Variants in PDGFRA observed in about 807,000 individuals in gnomAD.
PDGFRA encodes platelet derived growth factor receptor alpha, also known as platelet-derived growth factor receptor alpha.
A neutral mutation model predicts 121.5 loss-of-function variants in PDGFRA; 25 were observed. That is an observed-to-expected ratio of 0.21 (90% CI 0.15 to 0.29). The LOEUF (loss-of-function observed/expected upper bound fraction) is 0.29. Ranked by LOEUF, PDGFRA falls within the 10% of genes least tolerant of loss-of-function variation. The pLI, the probability that PDGFRA is intolerant of heterozygous loss-of-function variation, is 1.00. For synonymous variants in PDGFRA, 463 were observed against 494.8 expected, an observed-to-expected ratio of 0.94 and a Z score of 0.85; for missense variants, 1,008 against 1,345.1, an observed-to-expected ratio of 0.75 and a Z score of 3.92.
In PDGFRA at chr4:54,274,600, T is replaced by C. The variant is rs755486487; in HGVS notation, c.1628T>C (p.Ile543Thr). ...VLLVIVIISL[I>T]VLVVIWKQKP... is the part of the protein sequence containing the mutation. ...TTGGTGATTGTGATCATCTCACTTA[T>C]TGTCCTGGTTGTCATTTGGAAACAG... The change falls in exon 11 of 23, where the codon ATT becomes ACT. Residue 543 changes from isoleucine (I) to threonine (T), a missense_variant. Physicochemically the swap from Ile to Thr is moderately conservative, Grantham distance 89. Coordinates refer to ENST00000257290, the MANE Select transcript of PDGFRA (RefSeq NM_006206.6). The C allele has an allele frequency of 3.7e-6, 6 of 1,613,300 alleles. No homozygotes were observed. In the Admixed American group the frequency reaches 8.3e-5, roughly 22 times the overall value.
chr4:54,232,891 CG>C (rs1438874427), intron 1 of PDGFRA, among the ~76,000 whole-genome samples: 1 of 152,174 alleles, frequency 6.6e-6, no homozygotes, highest in African/African-American at 2.4e-5. Context: ...CGGCCAGGAA[CG>C]GTTCTTAAAT....
intron 7 of PDGFRA, among the ~76,000 whole-genome samples, chr4:54,268,083 G>A (rs760687190): frequency 1.3e-5 from 2 of 152,136 alleles, no homozygotes; most frequent in African/African-American, 2.4e-5. Flanking sequence ...CATCCATATC[G>A]CAAGTAGACA....
In PDGFRA at chr4:54,274,829, G is replaced by T. The variant is rs2110299012; in HGVS notation, c.1654-12G>T. ...TGGTAATTCACCAGTTACCTGTCCTGGTCATTTATAGAAACCGAGGTATGA... is the reference window on the plus strand; with the variant it reads ...TGGTAATTCACCAGTTACCTGTCCTTGTCATTTATAGAAACCGAGGTATGA... On this transcript the variant is annotated splice_polypyrimidine_tract_variant and intron_variant, in intron 11 of 22. Transcript: ENST00000257290. The T allele has an allele frequency of 6.2e-7, 1 of 1,613,944 alleles. No homozygotes were observed. Among genetic ancestry groups the T allele is most frequent in the Non-Finnish European group, 8.5e-7 (1 of 1,179,904 alleles).
At chr4:54,265,134 G>GGGCA in intron 5 of PDGFRA, 85 bp downstream of exon 5, 1 of 1,297,084 alleles carries the variant, frequency 7.7e-7, no homozygotes, top group South Asian at 1.2e-5. Context: ...TGTCACTGAT[G>GGGCA]GGCACATCAC....
In PDGFRA at chr4:54,290,391, G is replaced by A. The variant is rs1042833018; in HGVS notation, c.2959G>A (p.Ala987Thr). 6.2e-7 allele frequency: 1 copy of A among 1,613,640 alleles called. No homozygotes were observed. Among genetic ancestry groups the A allele is most frequent in the Non-Finnish European group, 8.5e-7 (1 of 1,179,490 alleles). Reference protein sequence around the residue: ...VARMRVDSDNAYIGVTYKNEE... With the variant: ...VARMRVDSDNTYIGVTYKNEE... ...ACGCATGCGTGTGGACTCAGACAATGCATACATTGGTGTCACCTACAAAAA... is the reference window on the plus strand; with the variant it reads ...ACGCATGCGTGTGGACTCAGACAATACATACATTGGTGTCACCTACAAAAA... The change falls in exon 22 of 23, where the codon GCA becomes ACA. Residue 987 changes from alanine to threonine, a missense_variant. This residue lies in a region of PDGFRA where 204 missense variants were observed against 243.0 expected (regional missense o/e 0.84). Coordinates refer to ENST00000257290, the MANE Select transcript of PDGFRA (RefSeq NM_006206.6).
At chr4:54,278,999 A>G (rs960791606) in intron 15 of PDGFRA, 3 of 379,106 alleles carry the variant, frequency 7.9e-6, no homozygotes, top group Non-Finnish European at 1.6e-5. Flanking sequence ...ATCAGAAAGT[A>G]CAATGAATTC....
chr4:54,271,957 T>C (rs1333033319), intron 8 of PDGFRA, among the ~76,000 whole-genome samples: 16 of 6,724 alleles, frequency 2.4e-3, no homozygotes, highest in East Asian at 4.4e-3. Flanking sequence ...TCCTTCATTC[T>C]CCCCTCCCCT....
chr4:54,273,803 A>T (rs756806845), intron 10 of PDGFRA, 73 bp downstream of exon 10: 3 of 1,233,738 alleles, frequency 2.4e-6, no homozygotes, highest in Non-Finnish European at 3.5e-6. Context: ...TGAATCCCAG[A>T]TAGGGGTTAT....
chr4:54,284,553 TGAGAGAGAGACAGAGAGA>T (rs201123121), intron 16 of PDGFRA, among the ~76,000 whole-genome samples: 9,616 of 72,912 alleles, frequency 0.13, 429 homozygotes, highest in Middle Eastern at 0.24. Context: ...CAGGAGCAAG[TGAGAGAGAGACAGAGAGA>T]GAGAGAGAGA....
rs1577711303 is a variant in PDGFRA at position 54,264,943 on chromosome 4, T to C, written c.653T>C (p.Met218Thr). The part of the protein sequence containing the change: ...LKATSELDLE[M>T]EALKTVYKSG... ...GCAACATCAGAGCTGGATCTAGAAA[T>C]GGAAGCTCTTAAAACCGTGTATAAG... Residue 218 changes from methionine (M) to threonine (T), a missense_variant, in exon 5 of 23, where the codon ATG (methionine) becomes ACG (threonine). Coordinates refer to ENST00000257290, the MANE Select transcript of PDGFRA (RefSeq NM_006206.6). 1 of 1,613,088 alleles carries C rather than the reference T, an allele frequency of 6.2e-7. No homozygotes were observed. The highest frequency in any genetic ancestry group is 8.5e-7 in the Non-Finnish European group (1 of 1,179,306).
chr4:54,267,509 A>G (rs1723100816), intron 6 of PDGFRA, 43 bp from the exon 7 acceptor site: 3 of 1,613,512 alleles, frequency 1.9e-6, no homozygotes, highest in African/African-American at 1.3e-5. Flanking sequence ...CTCGGGATCC[A>G]TATGTGGTAA....
intron 1 of PDGFRA, among the ~76,000 whole-genome samples, chr4:54,242,533 A>G (rs1307247136): frequency 1.3e-5 from 2 of 152,136 alleles, no homozygotes; most frequent in Non-Finnish European, 2.9e-5. Flanking sequence ...GATATTCCAT[A>G]GTCATATTTA....
At chr4:54,230,450 G>C (rs1485850511) in intron 1 of PDGFRA, 1 of 152,188 alleles carries the variant, frequency 6.6e-6, no homozygotes, top group African/African-American at 2.4e-5. Context: ...GTCTTCCCGC[G>C]CCCCCTCCTC....
intron 5 of PDGFRA, 121 bp downstream of exon 5, chr4:54,265,170 C>A: frequency 1.1e-6 from 1 of 914,546 alleles, no homozygotes; most frequent in African/African-American, 1.6e-5. Context: ...CTTAGCTTCC[C>A]ACCTCTGGGA....
In PDGFRA at chr4:54,263,920, T is replaced by C. The variant is rs2110254019; in HGVS notation, c.621T>C (p.Ala207=). Residue 207 remains alanine, a synonymous_variant, in exon 4 of 23, where the codon GCT becomes GCC. Transcript: ENST00000257290. ...AGACCATCCCATTTAATGTTTATGC[T>C]TTAAAAGGTACTTGTATCATCTCCT... is the stretch of plus-strand genomic sequence containing the variant. ...KFQTIPFNVY[A]LKATSELDLE... 1 of 1,613,806 alleles carries C rather than the reference T, an allele frequency of 6.2e-7. No homozygotes were observed. The highest frequency in any genetic ancestry group is 8.5e-7 in the Non-Finnish European group (1 of 1,179,882).
intron 1 of PDGFRA, among the ~76,000 whole-genome samples, chr4:54,245,521 T>C (rs1219361395): frequency 6.6e-6 from 1 of 152,210 alleles, no homozygotes; most frequent in Non-Finnish European, 1.5e-5. Flanking sequence ...GCTGAGAGAT[T>C]CTGTCACCAC....
At chr4:54,272,339 T>C in intron 8 of PDGFRA, 55 bp from the exon 9 acceptor site, 1 of 1,599,084 alleles carries the variant, frequency 6.3e-7, no homozygotes, top group South Asian at 1.1e-5. Flanking sequence ...CTTTGTAGTC[T>C]CATATGTTCT....
intron 3 of PDGFRA, among the ~76,000 whole-genome samples, chr4:54,263,410 C>T (rs539409090): frequency 6.6e-6 from 1 of 152,252 alleles, no homozygotes; most frequent in South Asian, 2.1e-4. Flanking sequence ...CAGGCATGAG[C>T]CACAACTCCT....
intron 1 of PDGFRA, among the ~76,000 whole-genome samples, chr4:54,233,028 C>T (rs1484816569): frequency 6.6e-6 from 1 of 152,070 alleles, no homozygotes; most frequent in Non-Finnish European, 1.5e-5. Context: ...GGCCCCTTTC[C>T]CCCCACCCGC....
Sources: allele counts gnomAD v4.1 joint callset (sites outside exome capture counted in the v4.1 genomes callset), GRCh38; gene constraint gnomAD v4.1.1; regional missense constraint gnomAD v4.1.1; transcripts MANE v1.5; gene names NCBI Gene and HGNC (gene_info 2026-07-23, HGNC 2026-07-21).